ELF2: variants seen among roughly 807,000 people sequenced by gnomAD.
The protein encoded by ELF2 is E74 like ETS transcription factor 2.
A neutral mutation model predicts 54.8 loss-of-function variants in ELF2; 11 were observed. That is an observed-to-expected ratio of 0.20 (90% CI 0.13 to 0.33). ELF2 has a LOEUF of 0.33. Among genes scored for constraint, ELF2 ranks in the 10% least tolerant of loss-of-function variants. ELF2 has a pLI of 1.00. For synonymous variants in ELF2, 203 were observed against 245.1 expected (o/e 0.83, Z 1.61); for missense variants, 513 against 703.0 (o/e 0.73, Z 3.06).
At chr4:139,157,926 A>T (rs1740712486) in intron 1 of ELF2, among the ~76,000 whole-genome samples, 1 of 152,232 alleles carries the variant, frequency 6.6e-6, no homozygotes, top group South Asian at 2.1e-4. Context: ...CTGACTACGG[A>T]TCAGAAGATT....
chr4:139,142,765 C>T (rs1738832772), intron 1 of ELF2, among the ~76,000 whole-genome samples: 1 of 151,954 alleles, frequency 6.6e-6, no homozygotes. Flanking sequence ...ATGGCACACC[C>T]CTTTGTCCCA....
chr4:139,068,327 CT>C (rs1341718838), intron 6 of ELF2, among the ~76,000 whole-genome samples: 1 of 152,194 alleles, frequency 6.6e-6, no homozygotes, highest in Non-Finnish European at 1.5e-5. Context: ...CCTTGCCAAT[CT>C]TTTATATTAG....
chr4:139,089,829 C>T lies in ELF2; in HGVS notation c.239-16262G>A, dbSNP rs552523251. ...ATTAGCAAATAGTTTCCATTTCTCA[C>T]TTTTAGAAATATTTCTGCAAAAAAA... On this transcript the variant is annotated intron_variant, in intron 4 of 9. Coordinates refer to ENST00000686138, the MANE Select transcript of ELF2 (RefSeq NM_001331036.3). 1.2e-3 allele frequency among the ~76,000 whole-genome samples: 182 copies of T among 152,328 alleles called. 1 individual carries two copies. Among genetic ancestry groups the T allele is most frequent in the African/African-American group, 4.4e-3 (182 of 41,570 alleles).
chr4:139,161,677 A>C (rs1741163753), intron 1 of ELF2, among the ~76,000 whole-genome samples: 1 of 150,690 alleles, frequency 6.6e-6, no homozygotes, highest in African/African-American at 2.4e-5. Flanking sequence ...AAAAAAAAAA[A>C]AACTCTGAGT....
chr4:139,125,121 A>G (rs1736787300), intron 4 of ELF2, 43 bp downstream of exon 4: 6 of 1,573,838 alleles, frequency 3.8e-6, no homozygotes, highest in Non-Finnish European at 5.2e-6. Flanking sequence ...AAGCTTACAA[A>G]ATGAGAAAGT....
intron 4 of ELF2, chr4:139,084,269 G>C: frequency 6.2e-7 from 1 of 1,604,870 alleles, no homozygotes; most frequent in Non-Finnish European, 8.5e-7. Context: ...GGCGGAACCC[G>C]CGGCCGGAGA....
At chr4:139,154,626 T>C (rs1455346302) in intron 1 of ELF2, among the ~76,000 whole-genome samples, 1 of 151,752 alleles carries the variant, frequency 6.6e-6, no homozygotes, top group African/African-American at 2.4e-5. Flanking sequence ...TACTAGGAAA[T>C]TCCTTGTGGG....
chr4:139,153,682 G>C (rs564961747), intron 1 of ELF2, among the ~76,000 whole-genome samples: 4 of 152,076 alleles, frequency 2.6e-5, no homozygotes, highest in African/African-American at 4.8e-5. Flanking sequence ...ACAGAATTCT[G>C]TTTAATTTCA....
At chr4:139,166,631 G>A (rs1042426190) in intron 1 of ELF2, among the ~76,000 whole-genome samples, 1 of 152,184 alleles carries the variant, frequency 6.6e-6, no homozygotes, top group African/African-American at 2.4e-5. Context: ...TACTTTGGGA[G>A]GCCGAGGTGG....
intron 1 of ELF2, among the ~76,000 whole-genome samples, chr4:139,158,979 T>C (rs1740822249): frequency 6.6e-6 from 1 of 152,120 alleles, no homozygotes; most frequent in South Asian, 2.1e-4. Flanking sequence ...GAGAAACTGC[T>C]TGGGTGATTT....
intron 4 of ELF2, among the ~76,000 whole-genome samples, chr4:139,076,440 G>GA (rs775314545): frequency 1.4e-3 from 198 of 139,088 alleles, no homozygotes; most frequent in African/African-American, 1.8e-3. Context: ...CATACACTAA[G>GA]AAAAAAAAAA....
intron 1 of ELF2, among the ~76,000 whole-genome samples, chr4:139,162,921 ACT>A (rs1741319935): frequency 6.6e-6 from 1 of 151,888 alleles, no homozygotes; most frequent in African/African-American, 2.4e-5. Flanking sequence ...ACACGGCAAG[ACT>A]CTGTCTCTAC....
intron 6 of ELF2, among the ~76,000 whole-genome samples, chr4:139,069,830 G>C (rs555777507): frequency 6.6e-6 from 1 of 151,194 alleles, no homozygotes; most frequent in African/African-American, 2.4e-5. Context: ...AGTAAGTACA[G>C]ACAGAATGGT....
intron 3 of ELF2, among the ~76,000 whole-genome samples, chr4:139,134,552 GTTT>G (rs1737897060): frequency 1.3e-5 from 2 of 148,726 alleles, no homozygotes; most frequent in African/African-American, 4.9e-5. Flanking sequence ...GTATTGTATT[GTTT>G]TATTTTATGT....
rs762215627 is a variant in ELF2 at position 139,067,739 on chromosome 4, T to A, written c.558A>T (p.Pro186=). The A allele has an allele frequency of 6.2e-7, 1 of 1,604,712 alleles. No homozygotes were observed. The highest frequency in any genetic ancestry group is 8.5e-7 in the Non-Finnish European group (1 of 1,173,466). The stretch of plus-strand genomic sequence containing the variant: ...CTAACTCAGGAGACCCATTGGAAAT[T>A]GGTGATTGCTGGGTCTTTGGTTTAC... ...VGRKPKTQQS[P]ISNGSPELGI... Residue 186 remains proline, a synonymous_variant, in exon 7 of 10, where the codon CCA becomes CCT. Transcript: ENST00000686138.
At chr4:139,100,661 A>T (rs577961933) in intron 4 of ELF2, 13 of 152,170 alleles carry the variant, frequency 8.5e-5, no homozygotes, top group Admixed American at 3.9e-4. Flanking sequence ...ATAACTCTTT[A>T]AAAAAAACAT....
chr4:139,168,125 G>A (rs1741908382), intron 1 of ELF2, among the ~76,000 whole-genome samples: 1 of 152,196 alleles, frequency 6.6e-6, no homozygotes, highest in Non-Finnish European at 1.5e-5. Context: ...TTAGCTATTG[G>A]TTAAGTAAAG....
At chr4:139,168,632 C>T (rs1360453149) in intron 1 of ELF2, among the ~76,000 whole-genome samples, 1 of 152,168 alleles carries the variant, frequency 6.6e-6, no homozygotes, top group Non-Finnish European at 1.5e-5. Flanking sequence ...AACATGGGAC[C>T]ATACCAACAA....
At chr4:139,076,844 G>A (rs1324507515) in intron 4 of ELF2, among the ~76,000 whole-genome samples, 1 of 151,960 alleles carries the variant, frequency 6.6e-6, no homozygotes, top group Non-Finnish European at 1.5e-5. Context: ...ACATATTTCT[G>A]ACCTCAACTT....
Sources: allele counts gnomAD v4.1 joint callset (sites outside exome capture counted in the v4.1 genomes callset), GRCh38; gene constraint gnomAD v4.1.1; transcripts MANE v1.5; gene names NCBI Gene and HGNC (gene_info 2026-07-23, HGNC 2026-07-21).